Variants in CASK observed in about 807,000 individuals in gnomAD.
CASK encodes peripheral plasma membrane protein CASK.
Under a neutral mutation model 82.9 loss-of-function variants are expected in CASK, and 4 were observed. That is an observed-to-expected ratio of 0.05 (90% CI 0.02 to 0.11). CASK has a LOEUF of 0.11. Ranked by LOEUF, CASK falls within the 10% of genes least tolerant of loss-of-function variation. The pLI is 1.00. For synonymous variants in CASK, 259 were observed against 253.5 expected (o/e 1.02, Z -0.20); for missense variants, 358 against 720.9 (o/e 0.50, Z 5.76).
chrX:41,634,128 A>T (rs892650374), intron 9 of CASK, among the ~76,000 whole-genome samples: 1 of 107,660 alleles, frequency 9.3e-6, no homozygotes, highest in African/African-American at 3.3e-5. Flanking sequence ...GTCATTACAA[A>T]TTAAACTGTC....
Position 41,519,238 on chromosome X carries a change from A to T in CASK, c.*1182T>A, listed in dbSNP as rs1011552206. 6 of 112,079 alleles carry T rather than the reference A, an allele frequency of 5.4e-5. No homozygotes were observed. The Admixed American group carries it at 5.7e-4, about 11-fold the overall frequency. The allele number at this position is 112,079 out of a possible 1,213,427, so 9.2% of individuals were successfully genotyped here. A position where few individuals can be genotyped will look rare whatever the true frequency, so the allele number is the denominator to read the frequency against. On this transcript the variant is annotated 3_prime_UTR_variant, in exon 27 of 27. Transcript: ENST00000378163. ...TGAACACATAAAAGGAAGTATATTT[A>T]AAAAAAATTGGTCAAACTGTCCTGT...
At chrX:41,813,725 T>A (rs369408999) in intron 2 of CASK, among the ~76,000 whole-genome samples, 1 of 111,294 alleles carries the variant, frequency 9.0e-6, no homozygotes, top group African/African-American at 3.3e-5. Context: ...TGGCAACAAA[T>A]GCCAAAATTG....
At position 41,519,771 on chromosome X, in the gene CASK, G is replaced by A. The variant is rs1422992709; in HGVS notation, c.*649C>T. 3 of 108,306 alleles carry A rather than the reference G, an allele frequency of 2.8e-5. No homozygotes were observed. The highest frequency in any genetic ancestry group is 3.8e-5 in the Non-Finnish European group (2 of 52,426). 8.9% of individuals were successfully genotyped at this position (108,306 alleles called of 1,213,427 possible). A position where few individuals can be genotyped will look rare whatever the true frequency, so the allele number is the denominator to read the frequency against. On this transcript the variant is annotated 3_prime_UTR_variant, in exon 27 of 27. Transcript: ENST00000378163. Reference sequence around the variant, plus strand: ...GCTCGCGACTGTCCACATGCATTAAGAGTCAAGACCCAACTTCAAATCTCT... The same window carrying A: ...GCTCGCGACTGTCCACATGCATTAAAAGTCAAGACCCAACTTCAAATCTCT...
At chrX:41,806,309 A>C (rs1406566534) in intron 2 of CASK, among the ~76,000 whole-genome samples, 1 of 112,051 alleles carries the variant, frequency 8.9e-6, no homozygotes, top group East Asian at 2.8e-4. Flanking sequence ...AGTATTTTAA[A>C]TGTTGGGACG....
chrX:41,872,690 T>G lies in CASK; in HGVS notation c.60-19463A>C, dbSNP rs1311408931. ...GTAATAATTAATGGACCAATATTGA[T>G]ACATCAGCATTAACTCAAGTCCATT... On this transcript the variant is annotated intron_variant, in intron 1 of 26. Coordinates refer to ENST00000378163, the MANE Select transcript of CASK (RefSeq NM_001367721.1). 7.2e-5 allele frequency among the ~76,000 whole-genome samples: 8 copies of G among 111,607 alleles called. 1 individual carries two copies. The highest frequency in any genetic ancestry group is 1.1e-4 in the Non-Finnish European group (6 of 53,137).
chrX:41,895,529 G>A (rs1195390), intron 1 of CASK, among the ~76,000 whole-genome samples: 17,948 of 110,745 alleles, frequency 0.16, 1,403 homozygotes, highest in Middle Eastern at 0.3. Flanking sequence ...GGAGGGAGGC[G>A]CTTTTGTTTA....
rs2064609733 is a variant in CASK at position 41,519,752 on chromosome X, G to A, written c.*668C>T. ...ACACACCGACAGCATAAACGCTCGCGACTGTCCACATGCATTAAGAGTCAA... is the reference window on the plus strand; with the variant it reads ...ACACACCGACAGCATAAACGCTCGCAACTGTCCACATGCATTAAGAGTCAA... On this transcript the variant is annotated 3_prime_UTR_variant, in exon 27 of 27. Transcript: ENST00000378163. 1 of 109,241 alleles carries A rather than the reference G, an allele frequency of 9.2e-6. No individual in the cohort carries two copies. Among genetic ancestry groups the A allele is most frequent in the Non-Finnish European group, 1.9e-5 (1 of 52,665 alleles). 9.0% of individuals were successfully genotyped at this position (109,241 alleles called of 1,213,427 possible). A position where few individuals can be genotyped will look rare whatever the true frequency, so the allele number is the denominator to read the frequency against.
intron 21 of CASK, among the ~76,000 whole-genome samples, chrX:41,546,321 G>A (rs1016530220): frequency 2.7e-5 from 3 of 111,090 alleles, no homozygotes; most frequent in Non-Finnish European, 5.7e-5. Context: ...TGTTACCCAG[G>A]ACAGTCTCAA....
In CASK at chrX:41,697,288, T is replaced by C. The variant is rs189782852; in HGVS notation, c.430-25758A>G. 734 of 123,480 alleles carry C rather than the reference T, an allele frequency of 5.9e-3. 7 individuals are homozygous for C. The highest frequency in any genetic ancestry group is 3.5e-3 in the Non-Finnish European group (187 of 53,399). The allele number at this position is 123,480 out of a possible 1,213,427, so 10.2% of individuals were successfully genotyped here. A position where few individuals can be genotyped will look rare whatever the true frequency, so the allele number is the denominator to read the frequency against. ...AATTAAAAAATGAGATCACCCACTA[T>C]CTATCACTGCTTAGATAAAAAGGGA... On this transcript the variant is annotated intron_variant, in intron 5 of 26. Coordinates refer to ENST00000378163, the MANE Select transcript of CASK (RefSeq NM_001367721.1).
At chrX:41,728,311 A>G (rs915227645) in intron 5 of CASK, 6 of 226,521 alleles carry the variant, frequency 2.6e-5, no homozygotes, top group African/African-American at 1.7e-4. Flanking sequence ...TTTAAACTCA[A>G]CTGTCAGTGC....
intron 5 of CASK, chrX:41,683,060 C>T (rs1477432772): frequency 8.9e-6 from 1 of 111,789 alleles, no homozygotes; most frequent in Non-Finnish European, 1.9e-5. Flanking sequence ...GATATTGCTC[C>T]TCTTCAATAC....
rs188307883 is a variant in CASK at position 41,528,648 on chromosome X, A to T, written c.2520+2359T>A. Among the ~76,000 whole-genome samples, 3 of 112,405 alleles carry T rather than the reference A, an allele frequency of 2.7e-5. No individual in the cohort carries two copies. The Admixed American group carries it at 2.8e-4, about 11-fold the overall frequency. On this transcript the variant is annotated intron_variant, in intron 25 of 26. Coordinates refer to ENST00000378163, the MANE Select transcript of CASK (RefSeq NM_001367721.1). ...CTCCTGACCCTGTGCTTGACATATA[A>T]TAAGGGCTTAATACAAGTTTGTTGG...
chrX:41,886,357 C>T (rs2072047388), intron 1 of CASK, among the ~76,000 whole-genome samples: 1 of 111,789 alleles, frequency 8.9e-6, no homozygotes, highest in African/African-American at 3.2e-5. Flanking sequence ...CACTTTGGAA[C>T]CCCTCGGAAC....
chrX:41,749,413 T>A (rs1366980901), intron 3 of CASK, among the ~76,000 whole-genome samples: 2 of 79,166 alleles, frequency 2.5e-5, no homozygotes, highest in Non-Finnish European at 4.7e-5. Flanking sequence ...TTAGACAGAG[T>A]CTTGCTCTGT....
intron 12 of CASK, among the ~76,000 whole-genome samples, chrX:41,598,867 A>C (rs2065859888): frequency 8.9e-6 from 1 of 112,142 alleles, no homozygotes; most frequent in Non-Finnish European, 1.9e-5. Context: ...TTTATTTTAA[A>C]TAGTTGAAAG....
intron 1 of CASK, among the ~76,000 whole-genome samples, chrX:41,866,715 C>T (rs1346302042): frequency 9.0e-6 from 1 of 111,605 alleles, no homozygotes; most frequent in African/African-American, 3.3e-5. Context: ...GGAGTCCAGT[C>T]TATTTAAAAT....
chrX:41,914,222 T>TTAAAC (rs1164128200), intron 1 of CASK, among the ~76,000 whole-genome samples: 1 of 112,279 alleles, frequency 8.9e-6, no homozygotes, highest in African/African-American at 3.2e-5. Context: ...TTGGATATTA[T>TTAAAC]TAAACTACAT....
chrX:41,643,019 G>T (rs751676381), intron 8 of CASK, among the ~76,000 whole-genome samples: 4 of 111,786 alleles, frequency 3.6e-5, no homozygotes, highest in Admixed American at 2.9e-4. Flanking sequence ...TTTCCCCATT[G>T]CTTGTTTTTC....
At chrX:41,710,958 C>T (rs1452351887) in intron 5 of CASK, among the ~76,000 whole-genome samples, 2 of 112,243 alleles carry the variant, frequency 1.8e-5, no homozygotes, top group Admixed American at 1.9e-4. Flanking sequence ...AGGAAAGCTC[C>T]GTGCCCCAGG....
Sources: gnomAD v4.1 joint callset for allele counts (sites outside exome capture counted in the v4.1 genomes callset) on GRCh38, gnomAD v4.1.1 for gene constraint, MANE v1.5 for transcripts, NCBI Gene and HGNC (gene_info 2026-07-23, HGNC 2026-07-21) for gene names.